The following BDH2 variants were observed in gnomAD, a reference collection of about 807,000 sequenced individuals.
BDH2 encodes dehydrogenase/reductase SDR family member 6.
In BDH2, 24 loss-of-function variants were observed where a neutral mutation model predicts 33.2. That is an observed-to-expected ratio of 0.72 (90% CI 0.52 to 1.02). The LOEUF (loss-of-function observed/expected upper bound fraction) is 1.02, where lower values mean the gene tolerates loss of function less well. BDH2 is among the 50% of genes least tolerant of loss of function. The probability of loss-of-function intolerance (pLI) is 0.00; values close to 1 mark genes in which losing one functional copy is unlikely to be tolerated. For synonymous variants in BDH2, 81 were observed against 101.6 expected (o/e 0.80, Z 1.22); for missense variants, 249 against 301.6 (o/e 0.83, Z 1.29).
At chr4:103,086,202 A>G (rs941168410) in intron 6 of BDH2, 8 of 1,217,068 alleles carry the variant, frequency 6.6e-6, no homozygotes, top group Non-Finnish European at 8.2e-6. Flanking sequence ...TAAATGTTAA[A>G]TGGTTCTTTC....
At chr4:103,089,554 T>C (rs1747970701) in intron 5 of BDH2, among the ~76,000 whole-genome samples, 1 of 152,252 alleles carries the variant, frequency 6.6e-6, no homozygotes, top group African/African-American at 2.4e-5. Context: ...TGCAAGTTAA[T>C]GTTTGTATAT....
At position 103,092,445 on chromosome 4, in the gene BDH2, T is replaced by C. The variant is rs41277025; in HGVS notation, c.248+155A>G. On this transcript the variant is annotated intron_variant, in intron 4 of 9. Transcript: ENST00000296424. ...AGGCTGTCTTACCTGCTGAATTTTA[T>C]GTGTAATGAAAATGCTGTGTAAAAT... is the stretch of plus-strand genomic sequence containing the variant. 11,882 of 625,990 alleles carry C rather than the reference T, an allele frequency of 0.019. 165 individuals carry two copies. Among genetic ancestry groups the C allele is most frequent in the Middle Eastern group, 0.035 (78 of 2,254 alleles). 38.8% of individuals were successfully genotyped at this position (625,990 alleles called of 1,614,324 possible). A position where few individuals can be genotyped will look rare whatever the true frequency, so the allele number is the denominator to read the frequency against.
chr4:103,096,861 AC>A (rs1406733950), intron 1 of BDH2, among the ~76,000 whole-genome samples: 16 of 151,978 alleles, frequency 1.1e-4, no homozygotes, highest in African/African-American at 2.9e-4. Context: ...ACTTTAACCT[AC>A]CTTATCCTTC....
intron 9 of BDH2, 63 bp downstream of exon 9, chr4:103,082,018 A>G: frequency 7.6e-7 from 1 of 1,316,252 alleles, no homozygotes; most frequent in Non-Finnish European, 1.1e-6. Context: ...TATTATTTTG[A>G]TGAGCAAATT....
chr4:103,091,625 G>C, intron 4 of BDH2: 1 of 439,398 alleles, frequency 2.3e-6, no homozygotes, highest in Non-Finnish European at 4.5e-6. Context: ...CACACCTGCA[G>C]CCTCAGCTAC....
At chr4:103,085,950 C>T in intron 6 of BDH2, 3 of 1,176,922 alleles carry the variant, frequency 2.5e-6, no homozygotes, top group Admixed American at 4.1e-5. Flanking sequence ...ACATTTTGTA[C>T]TGCTGTCCTT....
chr4:103,085,050 A>T (rs1325305284), intron 7 of BDH2, among the ~76,000 whole-genome samples: 1 of 152,262 alleles, frequency 6.6e-6, no homozygotes, highest in African/African-American at 2.4e-5. Flanking sequence ...GTAAAAGTAC[A>T]TATCAATTTA....
intron 3 of BDH2, among the ~76,000 whole-genome samples, chr4:103,093,593 A>G (rs931033401): frequency 8.8e-5 from 13 of 148,018 alleles, no homozygotes; most frequent in Non-Finnish European, 1.9e-4. Flanking sequence ...TTTATAATAT[A>G]TACAATGTAT....
At position 103,079,775 on chromosome 4, in the gene BDH2, G is replaced by A. The variant is rs1156786686; in HGVS notation, c.685-20C>T. The stretch of plus-strand genomic sequence containing the variant: ...AGCAGACTGCAGTGATAAACACAAG[G>A]AGACAGAACAATTAACCAGGTTTGA... On this transcript the variant is annotated intron_variant, in intron 9 of 9. Coordinates refer to ENST00000296424, the MANE Select transcript of BDH2 (RefSeq NM_020139.4). 1 of 1,607,954 alleles carries A rather than the reference G, an allele frequency of 6.2e-7. No individual in the cohort carries two copies. Among genetic ancestry groups the A allele is most frequent in the African/African-American group, 1.3e-5 (1 of 74,792 alleles).
chr4:103,088,252 C>T (rs935179417), intron 5 of BDH2, among the ~76,000 whole-genome samples: 1 of 152,134 alleles, frequency 6.6e-6, no homozygotes, highest in African/African-American at 2.4e-5. Flanking sequence ...TCTTTCTTAT[C>T]CAATTTAGCA....
chr4:103,077,900 G>T lies in BDH2; in HGVS notation c.*1802C>A, dbSNP rs1348906085. Among the ~76,000 whole-genome samples the T allele has an allele frequency of 2.0e-5, 3 of 152,154 alleles. No homozygotes were observed. Among genetic ancestry groups the T allele is most frequent in the African/African-American group, 7.2e-5 (3 of 41,412 alleles). On this transcript the variant is annotated 3_prime_UTR_variant, in exon 10 of 10. Coordinates refer to ENST00000296424, the MANE Select transcript of BDH2 (RefSeq NM_020139.4). The stretch of plus-strand genomic sequence containing the variant: ...GTTAGCCATAATTCGGTAGTGTAGT[G>T]CCCGGTCCAAAACCTCATAGATAAT...
intron 5 of BDH2, among the ~76,000 whole-genome samples, chr4:103,089,977 A>G (rs561927806): frequency 6.6e-6 from 1 of 152,188 alleles, no homozygotes; most frequent in Non-Finnish European, 1.5e-5. Flanking sequence ...TTTCCTGTTA[A>G]TGTTCATCTG....
At position 103,078,677 on chromosome 4, in the gene BDH2, G is replaced by A. The variant is rs962757412; in HGVS notation, c.*1025C>T. 6.6e-6 allele frequency among the ~76,000 whole-genome samples: 1 copy of A among 152,068 alleles called. No homozygotes were observed. Among genetic ancestry groups the A allele is most frequent in the African/African-American group, 2.4e-5 (1 of 41,394 alleles). Reference sequence around the variant, plus strand: ...TTCCTACCTTTGTTCATTTATGATGGTGTAAAATTTTAAAATTAGGATCTA... The same window carrying A: ...TTCCTACCTTTGTTCATTTATGATGATGTAAAATTTTAAAATTAGGATCTA... On this transcript the variant is annotated 3_prime_UTR_variant, in exon 10 of 10. Transcript: ENST00000296424.
At position 103,082,107 on chromosome 4, in the gene BDH2, G is replaced by A. The variant is rs772312890; in HGVS notation, c.658C>T (p.Leu220Phe). Residue 220 changes from leucine to phenylalanine, a missense_variant, in exon 9 of 10, where the codon CTC becomes TTC. Physicochemically the swap from Leu to Phe is conservative, Grantham distance 22. Coordinates refer to ENST00000296424, the MANE Select transcript of BDH2 (RefSeq NM_020139.4). Reference sequence around the variant, plus strand: ...TCATCAGAAGCCAAATACACGCAGAGCATGGCTATTTCTTCTGCAGTTGCG... The same window carrying A: ...TCATCAGAAGCCAAATACACGCAGAACATGGCTATTTCTTCTGCAGTTGCG... Reference protein sequence around the residue: ...RFATAEEIAMLCVYLASDESA... With the variant: ...RFATAEEIAMFCVYLASDESA... 3.1e-6 allele frequency: 5 copies of A among 1,614,166 alleles called. No homozygotes were observed. Among genetic ancestry groups the A allele is most frequent in the South Asian group, 1.1e-5 (1 of 91,084 alleles).
intron 5 of BDH2, among the ~76,000 whole-genome samples, chr4:103,090,522 T>G (rs1748028715): frequency 6.6e-6 from 1 of 152,150 alleles, no homozygotes; most frequent in South Asian, 2.1e-4. Context: ...TAGACTGAAA[T>G]TCACGAAGGG....
chr4:103,092,328 A>T (rs925790752), intron 4 of BDH2: 1 of 367,128 alleles, frequency 2.7e-6, no homozygotes, highest in African/African-American at 2.1e-5. Flanking sequence ...GCTTTAATTT[A>T]ACTTCCATAC....
Position 103,095,234 on chromosome 4 carries a change from C to T in BDH2, c.120G>A (p.Glu40=), listed in dbSNP as rs759383127. The change falls in exon 3 of 10, where the codon GAG becomes GAA. Residue 40 remains glutamate, a synonymous_variant. Coordinates refer to ENST00000296424, the MANE Select transcript of BDH2 (RefSeq NM_020139.4). ...GAKVIATDIN[E]SKLQELEKYP... ...ACTTTTCCAGTTCCTGAAGTTTGGA[C>T]TCATTAATGTCTGTGGCTATGACTT... 12 of 1,613,860 alleles carry T rather than the reference C, an allele frequency of 7.4e-6. No individual in the cohort carries two copies. Among genetic ancestry groups the T allele is most frequent in the Non-Finnish European group, 1.0e-5 (12 of 1,179,840 alleles).
chr4:103,086,453 G>C (rs771449652), intron 6 of BDH2, 27 bp downstream of exon 6: 1 of 1,608,008 alleles, frequency 6.2e-7, no homozygotes, highest in Admixed American at 1.7e-5. Flanking sequence ...TATGAGCATC[G>C]CAGTCCTCGG....
rs1231034213 is a variant in BDH2, at chr4:103,086,482, T to C, written c.416A>G (p.Lys139Arg). ...TCCTCGGAAGGAGACAGACCCACCT[T>C]TGACGCTGGAAGCCACAGAAGACAT... ...INMSSVASSV[K>R]GVVNRCVYST... is the part of the protein sequence containing the mutation. The change falls in exon 6 of 10, where the codon AAA becomes AGA. Residue 139 changes from lysine (K) to arginine (R), a missense_variant and splice_region_variant. Coordinates refer to ENST00000296424, the MANE Select transcript of BDH2 (RefSeq NM_020139.4). 1.9e-6 allele frequency: 3 copies of C among 1,613,004 alleles called. No homozygotes were observed. The highest frequency in any genetic ancestry group is 2.5e-6 in the Non-Finnish European group (3 of 1,179,684).
Sources: allele counts gnomAD v4.1 joint callset (sites outside exome capture counted in the v4.1 genomes callset), GRCh38; gene constraint gnomAD v4.1.1; transcripts MANE v1.5; gene names NCBI Gene and HGNC (gene_info 2026-07-23, HGNC 2026-07-21).